The following TRPM1 variants were observed in gnomAD, a reference collection of about 807,000 sequenced individuals.
TRPM1 encodes TRPM1-203 APA Isoform, Intron 10.
A neutral mutation model predicts 149.4 loss-of-function variants in TRPM1; 113 were observed. That is an observed-to-expected ratio of 0.76 (90% CI 0.65 to 0.88). The LOEUF (loss-of-function observed/expected upper bound fraction) is 0.88. Ranked by LOEUF, TRPM1 falls within the 40% of genes least tolerant of loss-of-function variation. The probability of loss-of-function intolerance (pLI) is 0.00; values close to 1 mark genes in which losing one functional copy is unlikely to be tolerated. For missense variants in TRPM1, 1,976 were observed against 2,038.7 expected (o/e 0.97, Z 0.59); for synonymous variants, 741 against 759.5 (o/e 0.98, Z 0.40).
At chr15:31,022,233 C>T (rs1266947126) in intron 27 of TRPM1, among the ~76,000 whole-genome samples, 2 of 152,218 alleles carry the variant, frequency 1.3e-5, no homozygotes, top group East Asian at 1.9e-4. Context: ...GCAGAAGACA[C>T]AGATAGCCTC....
chr15:31,157,257 A>G (rs1001747807), intron 1 of TRPM1, among the ~76,000 whole-genome samples: 3 of 152,152 alleles, frequency 2.0e-5, no homozygotes, highest in Non-Finnish European at 4.4e-5. Flanking sequence ...AGGTTTATCC[A>G]TGTTGATACA....
chr15:31,067,061 A>T lies in TRPM1; in HGVS notation c.618+2T>A. On this transcript the variant is annotated splice_donor_variant, in intron 6 of 27. Coordinates refer to ENST00000256552, the MANE Select transcript of TRPM1 (RefSeq NM_001252024.2). LOFTEE classifies it high-confidence loss of function. ...GCCAACATTTGCAGAGAAAACACTT[A>T]CATCCTTTCCAACCAGGTCTTCCTT... is the stretch of plus-strand genomic sequence containing the variant. The T allele has an allele frequency of 6.2e-7, 1 of 1,614,142 alleles. No homozygotes were observed. Among genetic ancestry groups the T allele is most frequent in the Non-Finnish European group, 8.5e-7 (1 of 1,180,024 alleles).
At chr15:31,050,302 C>T in intron 12 of TRPM1, 107 bp downstream of exon 12, 1 of 1,532,126 alleles carries the variant, frequency 6.5e-7, no homozygotes, top group Middle Eastern at 1.7e-4. Context: ...TTTACCCGTC[C>T]CTCCTGGGAT....
upstream of TRPM1, among the ~76,000 whole-genome samples, chr15:31,103,611 G>A (rs139853465): frequency 1.3e-3 from 196 of 152,092 alleles, no homozygotes; most frequent in African/African-American, 4.4e-3. Context: ...TCAGGAGTTC[G>A]AGACCAGCCT....
intron 2 of TRPM1, among the ~76,000 whole-genome samples, chr15:31,079,502 C>T (rs2034800438): frequency 1.3e-5 from 2 of 152,248 alleles, no homozygotes; most frequent in East Asian, 1.9e-4. Flanking sequence ...CAGCTGACCA[C>T]CCTCTGAGTG....
intron 1 of TRPM1, among the ~76,000 whole-genome samples, chr15:31,094,534 C>T (rs561955794): frequency 3.9e-5 from 6 of 152,112 alleles, no homozygotes; most frequent in African/African-American, 1.4e-4. Context: ...AAAGACAACC[C>T]GATTAAAAAC....
chr15:31,152,192 T>C (rs2036311769), intron 1 of TRPM1, among the ~76,000 whole-genome samples: 1 of 152,210 alleles, frequency 6.6e-6, no homozygotes, highest in Non-Finnish European at 1.5e-5. Flanking sequence ...TCAAGGGCAG[T>C]TGCCTGCAGA....
intron 3 of TRPM1, among the ~76,000 whole-genome samples, chr15:31,072,901 G>A (rs145811948): frequency 3.8e-4 from 58 of 151,688 alleles, no homozygotes; most frequent in African/African-American, 1.3e-3. Flanking sequence ...ATCTCTTTCC[G>A]TATTCTGGAT....
chr15:31,056,754 G>T (rs1187565392), intron 11 of TRPM1, among the ~76,000 whole-genome samples: 1 of 152,098 alleles, frequency 6.6e-6, no homozygotes, highest in Non-Finnish European at 1.5e-5. Context: ...GCCCTCTCTC[G>T]CTGTCTCTCG....
At chr15:31,077,942 A>G (rs1331705798) in intron 2 of TRPM1, among the ~76,000 whole-genome samples, 2 of 151,744 alleles carry the variant, frequency 1.3e-5, no homozygotes, top group African/African-American at 4.8e-5. Context: ...CATGACTATG[A>G]CCTGTGTAGT....
intron 27 of TRPM1, among the ~76,000 whole-genome samples, 170 bp from the exon 28 acceptor site, chr15:31,003,240 G>A (rs1390869801): frequency 6.6e-6 from 1 of 152,110 alleles, no homozygotes; most frequent in Non-Finnish European, 1.5e-5. Flanking sequence ...ATTACCATGA[G>A]GAGCCACCAG....
chr15:31,113,549 A>C (rs185668254), intron 1 of TRPM1, among the ~76,000 whole-genome samples: 200 of 150,280 alleles, frequency 1.3e-3, no homozygotes, highest in Middle Eastern at 3.4e-3. Context: ...TGTACTCCTA[A>C]AATGTTTTTT....
chr15:31,136,071 C>A (rs1429565476), intron 1 of TRPM1, among the ~76,000 whole-genome samples: 2 of 151,900 alleles, frequency 1.3e-5, no homozygotes, highest in African/African-American at 4.8e-5. Context: ...CGTGTATAGG[C>A]GTTTTGGTCT....
chr15:31,097,408 G>A (rs1430368132), intron 1 of TRPM1, among the ~76,000 whole-genome samples: 2 of 152,184 alleles, frequency 1.3e-5, no homozygotes, highest in Non-Finnish European at 2.9e-5. Context: ...CTGAGTACTG[G>A]CTTGCCTCTC....
At chr15:31,111,445 T>C (rs903935002) in intron 1 of TRPM1, among the ~76,000 whole-genome samples, 3 of 152,224 alleles carry the variant, frequency 2.0e-5, no homozygotes, top group Non-Finnish European at 4.4e-5. Flanking sequence ...GGTCCAATTA[T>C]ATGGAAGTTG....
intron 27 of TRPM1, among the ~76,000 whole-genome samples, chr15:31,014,129 G>C (rs1392670467): frequency 6.6e-6 from 1 of 152,174 alleles, no homozygotes; most frequent in Admixed American, 6.5e-5. Flanking sequence ...GAATGTGTTA[G>C]AGCTTTTCAA....
chr15:31,071,932 C>G (rs2140969824), intron 3 of TRPM1, among the ~76,000 whole-genome samples: 1 of 139,964 alleles, frequency 7.1e-6, no homozygotes, highest in South Asian at 2.3e-4. Context: ...GCACTGCACT[C>G]CAGCGTGGTT....
chr15:31,146,969 A>G (rs2036231592), intron 1 of TRPM1, among the ~76,000 whole-genome samples: 1 of 151,494 alleles, frequency 6.6e-6, no homozygotes, highest in South Asian at 2.1e-4. Flanking sequence ...GCTGGGTAAC[A>G]AAAGCGAAAT....
chr15:31,113,516 A>C lies in TRPM1; in HGVS notation c.55-36532T>G, dbSNP rs2035740736. 1.3e-5 allele frequency among the ~76,000 whole-genome samples: 2 copies of C among 152,202 alleles called. 1 individual carries two copies. Among genetic ancestry groups the C allele is most frequent in the Middle Eastern group, 6.8e-3 (2 of 294 alleles). On this transcript the variant is annotated intron_variant, in intron 1 of 26. Transcript: ENST00000542188. ...AAAGACAGTGACTGAGAATTTTCCA[A>C]ACTGTCAAAAAACATTTTTCTTTGT...
Sources: gnomAD v4.1 joint callset for allele counts (sites outside exome capture counted in the v4.1 genomes callset) on GRCh38, gnomAD v4.1.1 for gene constraint, MANE v1.5 for transcripts, NCBI Gene and HGNC (gene_info 2026-07-23, HGNC 2026-07-21) for gene names.